Variants in SAMD12 observed in about 807,000 individuals in gnomAD.
The protein encoded by SAMD12 is sterile alpha motif domain-containing protein 12.
A neutral mutation model predicts 15.0 loss-of-function variants in SAMD12; 9 were observed. That is an observed-to-expected ratio of 0.60 (90% CI 0.36 to 1.05). The LOEUF (loss-of-function observed/expected upper bound fraction) is 1.05. SAMD12 is among the 50% of genes least tolerant of loss of function. The pLI, the probability that SAMD12 is intolerant of heterozygous loss-of-function variation, is 0.01. For missense variants in SAMD12, 230 were observed against 234.2 expected, an observed-to-expected ratio of 0.98 and a Z score of 0.12; for synonymous variants, 86 against 90.1, an observed-to-expected ratio of 0.96 and a Z score of 0.25.
chr8:118,184,483 A>ATTTC (rs149904759), downstream of SAMD12, among the ~76,000 whole-genome samples: 15 of 151,086 alleles, frequency 9.9e-5, no homozygotes, highest in African/African-American at 2.4e-4. Flanking sequence ...TTTCTGAATA[A>ATTTC]TTTCTTTCTT....
the SAMD12 span, among the ~76,000 whole-genome samples, chr8:118,173,015 G>T: frequency 6.6e-6 from 1 of 152,122 alleles, no homozygotes; most frequent in Non-Finnish European, 1.5e-5. Context: ...TTGATGACTG[G>T]CTTATTTCAC....
At chr8:118,612,599 G>GA (rs1486169864) in intron 1 of SAMD12, among the ~76,000 whole-genome samples, 3 of 152,118 alleles carry the variant, frequency 2.0e-5, no homozygotes, top group Non-Finnish European at 2.9e-5. Flanking sequence ...TAAGCACAGG[G>GA]AAAAAATCCA....
intron 2 of SAMD12, among the ~76,000 whole-genome samples, chr8:118,521,132 G>A (rs73317383): frequency 0.056 from 8,560 of 152,128 alleles, 763 homozygotes; most frequent in African/African-American, 0.19. Context: ...TTGTGCATGC[G>A]GATCTAAAAA....
At chr8:118,447,067 C>T (rs1822936297) in intron 2 of SAMD12, among the ~76,000 whole-genome samples, 1 of 152,136 alleles carries the variant, frequency 6.6e-6, no homozygotes, top group African/African-American at 2.4e-5. Context: ...TGTGGAGGCC[C>T]TGCATCCTGG....
intron 1 of SAMD12, among the ~76,000 whole-genome samples, chr8:118,584,022 A>T (rs1219754924): frequency 6.6e-6 from 1 of 152,148 alleles, no homozygotes; most frequent in Non-Finnish European, 1.5e-5. Context: ...CCTTTACGCA[A>T]TCATGCCTTA....
chr8:118,349,616 C>T (rs1310663239), intron 4 of SAMD12, among the ~76,000 whole-genome samples: 1 of 97,632 alleles, frequency 1.0e-5, no homozygotes, highest in African/African-American at 3.0e-5. Context: ...CTACCCCTAA[C>T]TAACACACTG....
chr8:118,424,679 T>C (rs1822164608), intron 3 of SAMD12, among the ~76,000 whole-genome samples: 1 of 152,136 alleles, frequency 6.6e-6, no homozygotes, highest in African/African-American at 2.4e-5. Flanking sequence ...CAAGATCTCT[T>C]GAAGATAGTT....
chr8:118,139,684 G>C, the SAMD12 span, among the ~76,000 whole-genome samples: 1 of 152,068 alleles, frequency 6.6e-6, no homozygotes, highest in Non-Finnish European at 1.5e-5. Flanking sequence ...ATTCTATCTG[G>C]CTAAGATTCT....
At chr8:118,296,905 G>A (rs181814163) in intron 4 of SAMD12, among the ~76,000 whole-genome samples, 1 of 152,248 alleles carries the variant, frequency 6.6e-6, no homozygotes, top group East Asian at 1.9e-4. Context: ...TAAGTGCCTA[G>A]GATACAACAG....
At chr8:118,340,035 A>G (rs2130541704) in intron 4 of SAMD12, among the ~76,000 whole-genome samples, 1 of 152,356 alleles carries the variant, frequency 6.6e-6, no homozygotes, top group East Asian at 1.9e-4. Context: ...ACTAACACAC[A>G]TTCCTTTGTT....
intron 2 of SAMD12, among the ~76,000 whole-genome samples, chr8:118,460,051 C>A (rs1181309275): frequency 6.6e-6 from 1 of 152,216 alleles, no homozygotes; most frequent in African/African-American, 2.4e-5. Flanking sequence ...CCTATCACAA[C>A]TACACATTTC....
intron 2 of SAMD12, among the ~76,000 whole-genome samples, chr8:118,496,228 A>G (rs1824603771): frequency 6.6e-6 from 1 of 152,228 alleles, no homozygotes; most frequent in Non-Finnish European, 1.5e-5. Flanking sequence ...TTCATATGGA[A>G]CAAAATAATA....
At chr8:118,524,225 G>T (rs1036743051) in intron 2 of SAMD12, among the ~76,000 whole-genome samples, 1 of 152,050 alleles carries the variant, frequency 6.6e-6, no homozygotes, top group South Asian at 2.1e-4. Flanking sequence ...CCACTCCACT[G>T]AGAGAGCTCT....
In SAMD12 at chr8:118,410,674, A is replaced by C. The variant is rs559450667; in HGVS notation, c.322+29158T>G. ...TCAAATCTTCTGAGCCATATAGCTA[A>C]GTGAGGCTTTAGTCTGTCGGCCAGG... On this transcript the variant is annotated intron_variant, in intron 3 of 3. Transcript: ENST00000314727. 2.6e-5 allele frequency among the ~76,000 whole-genome samples: 4 copies of C among 152,308 alleles called. No homozygotes were observed. The East Asian group carries it at 7.7e-4, about 29-fold the overall frequency.
intron 2 of SAMD12, among the ~76,000 whole-genome samples, chr8:118,551,080 G>A (rs1826317005): frequency 6.6e-6 from 1 of 152,170 alleles, no homozygotes. Flanking sequence ...AATAATGGGA[G>A]ACTTTAACAC....
At chr8:118,249,873 T>C (rs1328898432) in intron 4 of SAMD12, among the ~76,000 whole-genome samples, 2 of 152,158 alleles carry the variant, frequency 1.3e-5, no homozygotes, top group Admixed American at 6.5e-5. Context: ...TGGATGTTCC[T>C]GGAGAAGGCA....
intron 4 of SAMD12, among the ~76,000 whole-genome samples, chr8:118,357,099 C>T (rs1366034227): frequency 6.6e-6 from 1 of 152,222 alleles, no homozygotes; most frequent in African/African-American, 2.4e-5. Flanking sequence ...GGGATCTCAT[C>T]ACTCCCTTGT....
rs397978436 is a variant in SAMD12, at chr8:118,543,631, C to CTTTTTTTTTTTTTT, written c.192+37070_192+37083dup. 9.9e-4 allele frequency among the ~76,000 whole-genome samples: 115 copies of CTTTTTTTTTTTTTT among 116,594 alleles called. 3 individuals carry two copies. The highest frequency in any genetic ancestry group is 2.1e-3 in the African/African-American group (59 of 27,536). 76.5% of individuals were successfully genotyped at this position (116,594 alleles called of 152,430 possible). ...TTTTTTTTCTTTTCTTTCTTTCTTT[C>CTTTTTTTTTTTTTT]TTTTTTTTTTTTTTTTTAGCTCACC... On this transcript the variant is annotated intron_variant, in intron 2 of 3. Transcript: ENST00000314727.
At chr8:118,364,766 G>A (rs1306494372) in intron 4 of SAMD12, among the ~76,000 whole-genome samples, 1 of 152,276 alleles carries the variant, frequency 6.6e-6, no homozygotes, top group Non-Finnish European at 1.5e-5. Flanking sequence ...AGAATGTGGT[G>A]AAGAGGAGTG....
Sources: allele counts gnomAD v4.1 joint callset (sites outside exome capture counted in the v4.1 genomes callset), GRCh38; gene constraint gnomAD v4.1.1; transcripts MANE v1.5; gene names NCBI Gene and HGNC (gene_info 2026-07-23, HGNC 2026-07-21).